ZPBP: variants seen among roughly 807,000 people sequenced by gnomAD.
ZPBP encodes zona pellucida-binding protein 1.
A neutral mutation model predicts 44.8 loss-of-function variants in ZPBP; 26 were observed. The ratio of observed to expected loss-of-function variants is 0.58; its 90% CI spans 0.43 to 0.81. The LOEUF (loss-of-function observed/expected upper bound fraction) is 0.81, where lower values mean the gene tolerates loss of function less well. Ranked by LOEUF, ZPBP falls within the 30% of genes least tolerant of loss-of-function variation. ZPBP has a pLI of 0.00. For missense variants in ZPBP, 409 were observed against 434.0 expected, an observed-to-expected ratio of 0.94 and a Z score of 0.51; for synonymous variants, 174 against 153.2, an observed-to-expected ratio of 1.14 and a Z score of -1.00.
intron 7 of ZPBP, among the ~76,000 whole-genome samples, chr7:49,945,526 T>C (rs534250946): frequency 6.6e-6 from 1 of 152,282 alleles, no homozygotes; most frequent in South Asian, 2.1e-4. Context: ...ATCTGGATGC[T>C]CCTGTGTTAG....
At chr7:50,011,303 G>C (rs530464661) in intron 6 of ZPBP, among the ~76,000 whole-genome samples, 187 of 152,266 alleles carry the variant, frequency 1.2e-3, no homozygotes, top group Non-Finnish European at 2.4e-3. Flanking sequence ...ACTGGCTTAG[G>C]CAAAGAGTTC....
At chr7:49,989,888 C>G (rs558644378) in intron 6 of ZPBP, among the ~76,000 whole-genome samples, 1 of 152,316 alleles carries the variant, frequency 6.6e-6, no homozygotes, top group South Asian at 2.1e-4. Flanking sequence ...CAAACAAAGT[C>G]AAGACCCATC....
chr7:49,951,096 T>C (rs1244345806), intron 7 of ZPBP, among the ~76,000 whole-genome samples: 1 of 151,968 alleles, frequency 6.6e-6, no homozygotes, highest in East Asian at 1.9e-4. Flanking sequence ...TAAAAATTAG[T>C]TCAAAATGCA....
chr7:49,851,210 C>T (rs1790166912), intron 2 of ZPBP, among the ~76,000 whole-genome samples: 1 of 152,186 alleles, frequency 6.6e-6, no homozygotes, highest in Non-Finnish European at 1.5e-5. Flanking sequence ...GTGCCCGTGT[C>T]TTCTCCTTTT....
chr7:49,852,974 A>G (rs1211720374), intron 2 of ZPBP, among the ~76,000 whole-genome samples: 5 of 152,128 alleles, frequency 3.3e-5, no homozygotes, highest in Admixed American at 2.6e-4. Flanking sequence ...CTTTATCACC[A>G]CAGTTCTACT....
At chr7:49,959,705 AT>A (rs1795770028) in intron 7 of ZPBP, among the ~76,000 whole-genome samples, 1 of 152,202 alleles carries the variant, frequency 6.6e-6, no homozygotes, top group Non-Finnish European at 1.5e-5. Flanking sequence ...AATGAAATCA[AT>A]TCAAATTACA....
At chr7:49,919,194 C>G (rs975761428) in intron 1 of ZPBP, 21 of 152,124 alleles carry the variant, frequency 1.4e-4, no homozygotes, top group African/African-American at 4.8e-4. Context: ...AGCTGTGAGT[C>G]TTACTGAATC....
At chr7:49,845,155 A>G in the ZPBP span, among the ~76,000 whole-genome samples, 1 of 152,292 alleles carries the variant, frequency 6.6e-6, no homozygotes, top group Admixed American at 6.5e-5. Flanking sequence ...GGAGAGCATC[A>G]GGAAGAAGAG....
chr7:50,016,254 T>G (rs1798814381), intron 6 of ZPBP, among the ~76,000 whole-genome samples: 1 of 152,180 alleles, frequency 6.6e-6, no homozygotes, highest in South Asian at 2.1e-4. Flanking sequence ...AATTATGTCC[T>G]TTGCAGCAAC....
chr7:50,090,739 A>C (rs1350720933), intron 1 of ZPBP, among the ~76,000 whole-genome samples: 1 of 151,982 alleles, frequency 6.6e-6, no homozygotes, highest in African/African-American at 2.4e-5. Flanking sequence ...GGCTGGTTCC[A>C]TGTTTTTGCA....
chr7:49,938,924 T>A (rs1453392716), intron 7 of ZPBP, among the ~76,000 whole-genome samples: 1 of 152,248 alleles, frequency 6.6e-6, no homozygotes, highest in Admixed American at 6.5e-5. Context: ...GGAAATATTT[T>A]ACCATTTTTT....
intron 2 of ZPBP, 44 bp downstream of exon 2, chr7:50,089,585 T>G (rs1802844692): frequency 1.4e-6 from 2 of 1,388,586 alleles, no homozygotes; most frequent in Middle Eastern, 2.5e-4. Context: ...TTTAAACAAA[T>G]GCTAATAACT....
At chr7:49,908,899 T>G (rs1156401671) in intron 1 of ZPBP, among the ~76,000 whole-genome samples, 1 of 152,176 alleles carries the variant, frequency 6.6e-6, no homozygotes, top group Admixed American at 6.5e-5. Context: ...AAATAAAGAT[T>G]TTATATTCTA....
intron 3 of ZPBP, among the ~76,000 whole-genome samples, chr7:50,069,330 A>G (rs796780500): frequency 6.6e-6 from 1 of 151,836 alleles, no homozygotes; most frequent in South Asian, 2.1e-4. Flanking sequence ...TACTTTCACT[A>G]TTGGCTTGGC....
intron 2 of ZPBP, among the ~76,000 whole-genome samples, chr7:49,865,138 A>G (rs1790825172): frequency 6.6e-6 from 1 of 152,168 alleles, no homozygotes; most frequent in South Asian, 2.1e-4. Flanking sequence ...TTGATTTTGT[A>G]TATTGCTTTT....
chr7:49,891,819 T>A (rs1792139756), intron 2 of ZPBP, among the ~76,000 whole-genome samples: 1 of 152,204 alleles, frequency 6.6e-6, no homozygotes, highest in Admixed American at 6.5e-5. Context: ...AATGTTTTAC[T>A]TCATAATAGG....
At chr7:49,972,363 C>A (rs562372188) in intron 7 of ZPBP, among the ~76,000 whole-genome samples, 1 of 152,040 alleles carries the variant, frequency 6.6e-6, no homozygotes, top group South Asian at 2.1e-4. Context: ...AAAGCAAAAT[C>A]TTTTATATCT....
At position 50,089,540 on chromosome 7, in the gene ZPBP, T is replaced by G. The variant is rs1802841952; in HGVS notation, c.208+89A>C. On this transcript the variant is annotated intron_variant, in intron 2 of 7. Coordinates refer to ENST00000046087, the MANE Select transcript of ZPBP (RefSeq NM_007009.3). ...AAGGGCCTTAGGAGACTAGGATAAA[T>G]GAAGAGCATTAGCCTTTTGGAGAAG... 3.0e-6 allele frequency: 3 copies of G among 984,296 alleles called. No individual in the cohort carries two copies. The African/African-American group carries it at 4.9e-5, about 16-fold the overall frequency. The allele number at this position is 984,296 out of a possible 1,614,324, so 61.0% of individuals were successfully genotyped here.
chr7:49,915,338 A>G (rs1793659136), intron 1 of ZPBP: 1 of 152,218 alleles, frequency 6.6e-6, no homozygotes. Context: ...AAACTAATTT[A>G]GGTTTGATTA....
Sources: gnomAD v4.1 joint callset for allele counts (sites outside exome capture counted in the v4.1 genomes callset) on GRCh38, gnomAD v4.1.1 for gene constraint, MANE v1.5 for transcripts, NCBI Gene and HGNC (gene_info 2026-07-23, HGNC 2026-07-21) for gene names.